Variants in APP observed in about 807,000 individuals in gnomAD.
APP encodes amyloid beta precursor protein.
APP carries 31 observed loss-of-function variants against 101.4 expected under a neutral mutation model. That is an observed-to-expected ratio of 0.31 (90% confidence interval 0.23 to 0.41). The LOEUF (loss-of-function observed/expected upper bound fraction) is 0.41, where lower values mean the gene tolerates loss of function less well. Among genes scored for constraint, APP ranks in the 10% least tolerant of loss-of-function variants. The probability of loss-of-function intolerance (pLI) is 1.00; values close to 1 mark genes in which losing one functional copy is unlikely to be tolerated. For synonymous variants in APP, 366 were observed against 364.4 expected, an observed-to-expected ratio of 1.00 and a Z score of -0.05; for missense variants, 839 against 1,003.7, an observed-to-expected ratio of 0.84 and a Z score of 2.22.
chr21:25,973,750 C>T (rs754112117), intron 11 of APP, among the ~76,000 whole-genome samples: 4 of 151,970 alleles, frequency 2.6e-5, no homozygotes, highest in Non-Finnish European at 4.4e-5. Flanking sequence ...CGAGATCAGC[C>T]TGGCCAACAT....
intron 8 of APP, among the ~76,000 whole-genome samples, chr21:25,985,260 T>C (rs1209092786): frequency 6.6e-6 from 1 of 152,196 alleles, no homozygotes; most frequent in Non-Finnish European, 1.5e-5. Context: ...TGGTAATTAA[T>C]TTTCTGTGCC....
At chr21:26,153,391 T>G (rs1386726675) in intron 1 of APP, among the ~76,000 whole-genome samples, 2 of 152,176 alleles carry the variant, frequency 1.3e-5, no homozygotes, top group African/African-American at 4.8e-5. Flanking sequence ...TTAAAAATGG[T>G]GGATTTTTTT....
At chr21:25,891,971 AT>A in intron 16 of APP, 103 bp from the exon 17 acceptor site, 1 of 1,224,894 alleles carries the variant, frequency 8.2e-7, no homozygotes, top group East Asian at 2.5e-5. Context: ...TGCAGGGGAC[AT>A]TTGGATGAGG....
chr21:26,167,336 GCATCTGTACAGGTT>G (rs1248471653), intron 1 of APP, among the ~76,000 whole-genome samples: 1 of 152,176 alleles, frequency 6.6e-6, no homozygotes, highest in Non-Finnish European at 1.5e-5. Context: ...AATTTAAAAT[GCATCTGTACAGGTT>G]TATCTTTACA....
At chr21:26,160,825 A>G (rs1373196169) in intron 1 of APP, among the ~76,000 whole-genome samples, 3 of 152,202 alleles carry the variant, frequency 2.0e-5, no homozygotes, top group African/African-American at 7.2e-5. Flanking sequence ...CATGGATGAA[A>G]TATTTCAAAA....
rs147485129 is a variant in APP, at chr21:26,021,969, C to T, written c.736G>A (p.Glu246Lys). 1.5e-5 allele frequency: 24 copies of T among 1,613,790 alleles called. No homozygotes were observed. The East Asian group carries it at 1.6e-4, about 10-fold the overall frequency. ...EVEEEEADDD[E>K]DDEDGDEVEE... ...ACCTCATCACCATCCTCATCGTCCT[C>T]GTCATCATCGGCTTCTTCTTCTTCC... Residue 246 changes from glutamate to lysine, a missense_variant, in exon 6 of 18, where the codon GAG becomes AAG. Coordinates refer to ENST00000346798, the MANE Select transcript of APP (RefSeq NM_000484.4).
intron 15 of APP, among the ~76,000 whole-genome samples, chr21:25,902,467 G>A (rs182726914): frequency 3.4e-5 from 5 of 146,244 alleles, no homozygotes; most frequent in African/African-American, 1.2e-4. Context: ...GCTATTCATA[G>A]ACAAACCTTA....
intron 6 of APP, among the ~76,000 whole-genome samples, chr21:26,001,051 A>G (rs2043273143): frequency 1.3e-5 from 2 of 152,184 alleles, no homozygotes; most frequent in South Asian, 4.1e-4. Flanking sequence ...TTTATGTATT[A>G]AAAATCTGTA....
intron 1 of APP, among the ~76,000 whole-genome samples, chr21:26,157,731 G>C (rs998267995): frequency 7.9e-5 from 12 of 152,108 alleles, no homozygotes; most frequent in Non-Finnish European, 1.6e-4. Flanking sequence ...ATTTTAAAAT[G>C]GCAGTCCCAT....
chr21:26,025,577 A>G (rs1014861378), intron 5 of APP, among the ~76,000 whole-genome samples: 2 of 152,174 alleles, frequency 1.3e-5, no homozygotes, highest in Non-Finnish European at 2.9e-5. Flanking sequence ...TATTACTTGG[A>G]TGTGGCCCTT....
intron 13 of APP, among the ~76,000 whole-genome samples, chr21:25,929,817 T>C (rs1438143657): frequency 6.6e-6 from 1 of 152,238 alleles, no homozygotes; most frequent in East Asian, 1.9e-4. Context: ...CTGGTGCCTG[T>C]ATACAATCTA....
intron 1 of APP, among the ~76,000 whole-genome samples, chr21:26,138,986 C>T (rs1039162700): frequency 6.6e-6 from 1 of 151,756 alleles, no homozygotes; most frequent in African/African-American, 2.4e-5. Context: ...CGGGGTGGGG[C>T]GGGGAATTGT....
intron 2 of APP, among the ~76,000 whole-genome samples, chr21:26,102,903 A>G (rs1448453389): frequency 6.6e-6 from 1 of 151,180 alleles, no homozygotes; most frequent in African/African-American, 2.4e-5. Flanking sequence ...AAAAAAAAAA[A>G]AAAAAAAAAA....
Position 25,881,601 on chromosome 21 carries a change from A to G in APP, c.*69T>C. 1 of 1,517,740 alleles carries G rather than the reference A, an allele frequency of 6.6e-7. No homozygotes were observed. The highest frequency in any genetic ancestry group is 1.1e-5 in the South Asian group (1 of 89,130). The allele number at this position is 1,517,740 out of a possible 1,614,324, so 94.0% of individuals were successfully genotyped here. A position where few individuals can be genotyped will look rare whatever the true frequency, so the allele number is the denominator to read the frequency against. ...TTTGTTTCTTCCCACATTATTCTAT[A>G]AATGGACACCGATGGGTAGTGAAGC... On this transcript the variant is annotated 3_prime_UTR_variant, in exon 18 of 18. Transcript: ENST00000346798.
intron 5 of APP, among the ~76,000 whole-genome samples, chr21:26,032,792 T>C (rs1378212198): frequency 1.8e-5 from 1 of 56,324 alleles, no homozygotes; most frequent in African/African-American, 4.5e-5. Flanking sequence ...CTTATTATTT[T>C]AGAAAAAAAA....
At chr21:26,137,639 A>G (rs1428878812) in intron 1 of APP, among the ~76,000 whole-genome samples, 1 of 152,188 alleles carries the variant, frequency 6.6e-6, no homozygotes, top group African/African-American at 2.4e-5. Flanking sequence ...CACCAAAACT[A>G]AGAAAGGTTT....
At chr21:26,150,098 G>C (rs1175755527) in intron 1 of APP, among the ~76,000 whole-genome samples, 2 of 152,120 alleles carry the variant, frequency 1.3e-5, no homozygotes, top group Non-Finnish European at 2.9e-5. Context: ...ACATGAGGGA[G>C]GGGAGAGGAG....
intron 13 of APP, among the ~76,000 whole-genome samples, chr21:25,914,219 C>A (rs1601386352): frequency 1.3e-5 from 2 of 152,048 alleles, no homozygotes; most frequent in Middle Eastern, 6.8e-3. Flanking sequence ...TTTCTGAATT[C>A]TCTCAGCCAT....
chr21:26,095,131 A>C (rs2146133075), intron 2 of APP, among the ~76,000 whole-genome samples: 1 of 152,318 alleles, frequency 6.6e-6, no homozygotes, highest in Middle Eastern at 3.4e-3. Flanking sequence ...GGCGTGAGCC[A>C]CCGTGCCCGG....
Sources: allele counts gnomAD v4.1 joint callset (sites outside exome capture counted in the v4.1 genomes callset), GRCh38; gene constraint gnomAD v4.1.1; transcripts MANE v1.5; gene names NCBI Gene and HGNC (gene_info 2026-07-23, HGNC 2026-07-21).